Variants in PACRG observed in about 807,000 individuals in gnomAD.
PACRG encodes the protein parkin coregulated gene protein.
Under a neutral mutation model 29.7 loss-of-function variants are expected in PACRG, and 29 were observed. The observed-to-expected ratio is 0.98, with a 90% CI of 0.73 to 1.33. PACRG has a LOEUF of 1.33. Ranked by LOEUF, PACRG falls within the 40% of genes most tolerant of loss-of-function variation. The pLI is 0.00. For missense variants in PACRG, 279 were observed against 316.2 expected (o/e 0.88, Z 0.89); for synonymous variants, 116 against 118.7 (o/e 0.98, Z 0.15).
At chr6:163,051,035 A>T (rs1585094860) in intron 2 of PACRG, among the ~76,000 whole-genome samples, 1 of 151,918 alleles carries the variant, frequency 6.6e-6, no homozygotes, top group South Asian at 2.1e-4. Context: ...CCATTGCTTT[A>T]CCTCCCTGTG....
chr6:162,748,446 T>C (rs1442343218), intron 1 of PACRG, among the ~76,000 whole-genome samples: 1 of 152,058 alleles, frequency 6.6e-6, no homozygotes, highest in African/African-American at 2.4e-5. Flanking sequence ...GTGACTGAGA[T>C]CGGACCACTG....
chr6:162,860,118 C>A (rs1791741765), intron 2 of PACRG, among the ~76,000 whole-genome samples: 1 of 152,066 alleles, frequency 6.6e-6, no homozygotes, highest in Non-Finnish European at 1.5e-5. Context: ...AGTTTTTATA[C>A]AGATATTTTC....
intron 2 of PACRG, among the ~76,000 whole-genome samples, chr6:162,827,576 C>G (rs908509434): frequency 6.6e-6 from 1 of 152,080 alleles, no homozygotes; most frequent in South Asian, 2.1e-4. Flanking sequence ...TGCAGAAAAC[C>G]TTTTTGGTAA....
chr6:162,731,704 T>A (rs763598254), intron 1 of PACRG, among the ~76,000 whole-genome samples: 3 of 152,146 alleles, frequency 2.0e-5, no homozygotes, highest in Non-Finnish European at 4.4e-5. Context: ...TAAGGGATAG[T>A]TCAACCTATA....
rs140335831 is a variant in PACRG at position 162,986,927 on chromosome 6, A to ATT, written c.292-75216_292-75215dup. Among the ~76,000 whole-genome samples, 528 of 150,560 alleles carry ATT rather than the reference A, an allele frequency of 3.5e-3. 2 individuals carry two copies. Among genetic ancestry groups the ATT allele is most frequent in the African/African-American group, 0.012 (508 of 41,008 alleles). On this transcript the variant is annotated intron_variant, in intron 2 of 4. Transcript: ENST00000366888. ...GGATAATTTTTCATTCTTATCCTGT[A>ATT]TTTTTTTTCAATTTTTTAAAGTTGG...
intron 4 of PACRG, among the ~76,000 whole-genome samples, chr6:163,311,760 T>C (rs1785424927): frequency 7.0e-6 from 1 of 142,548 alleles, no homozygotes; most frequent in Non-Finnish European, 1.5e-5. Context: ...TTTGAGGTTA[T>C]ACACTGTGGA....
At chr6:163,094,927 C>T (rs1244518166) in intron 4 of PACRG, among the ~76,000 whole-genome samples, 2 of 152,188 alleles carry the variant, frequency 1.3e-5, no homozygotes, top group African/African-American at 4.8e-5. Context: ...CCTTCCCCCT[C>T]GGTATTCACT....
chr6:163,232,113 C>T (rs1782068145), intron 4 of PACRG, among the ~76,000 whole-genome samples: 1 of 152,246 alleles, frequency 6.6e-6, no homozygotes, highest in Non-Finnish European at 1.5e-5. Flanking sequence ...CAGCTCTCTA[C>T]AGAACACAAA....
chr6:163,082,822 T>C (rs1813205152), intron 3 of PACRG, among the ~76,000 whole-genome samples: 1 of 152,228 alleles, frequency 6.6e-6, no homozygotes, highest in African/African-American at 2.4e-5. Context: ...CTTAAACAAT[T>C]TGTTGTTCTT....
intron 1 of PACRG, among the ~76,000 whole-genome samples, chr6:162,742,808 CTA>C (rs1303047978): frequency 3.3e-5 from 5 of 151,886 alleles, no homozygotes; most frequent in Non-Finnish European, 7.4e-5. Flanking sequence ...GAGAGTGAAG[CTA>C]TCTCTTTGAA....
intron 2 of PACRG, among the ~76,000 whole-genome samples, chr6:162,985,953 A>C (rs1049130734): frequency 1.5e-5 from 2 of 135,312 alleles, no homozygotes; most frequent in African/African-American, 5.4e-5. Flanking sequence ...AACCCCTTTC[A>C]CAATAGCTGC....
chr6:163,120,633 C>A (rs1195548660), intron 4 of PACRG, among the ~76,000 whole-genome samples: 1 of 152,086 alleles, frequency 6.6e-6, no homozygotes, highest in African/African-American at 2.4e-5. Flanking sequence ...TCTGCGTCTA[C>A]TTTCTCCTCA....
rs566019985 is a variant in PACRG, at chr6:162,943,858, G to A, written c.292-118292G>A. On this transcript the variant is annotated intron_variant, in intron 2 of 4. Coordinates refer to ENST00000366888, the MANE Select transcript of PACRG (RefSeq NM_001080379.2). ...CTGGCCCACCCAGCTCATTGCAGCC[G>A]CCACAGACCCCAGCATGGACCACTT... Among the ~76,000 whole-genome samples the A allele has an allele frequency of 4.1e-4, 62 of 151,942 alleles. 1 individual carries two copies. The highest frequency in any genetic ancestry group is 3.5e-3 in the South Asian group (17 of 4,806).
chr6:163,062,550 C>G (rs1367336345), intron 3 of PACRG, among the ~76,000 whole-genome samples: 2 of 152,170 alleles, frequency 1.3e-5, no homozygotes, highest in African/African-American at 4.8e-5. Context: ...GGGGTTTGTG[C>G]TAATTTAAAA....
At chr6:163,166,797 TACTATA>T (rs1289982045) in intron 4 of PACRG, among the ~76,000 whole-genome samples, 1 of 152,222 alleles carries the variant, frequency 6.6e-6, no homozygotes, top group African/African-American at 2.4e-5. Flanking sequence ...GTCTACTTAT[TACTATA>T]TAGTGTCTGG....
At chr6:163,023,149 C>A (rs553416908) in intron 2 of PACRG, among the ~76,000 whole-genome samples, 1 of 152,246 alleles carries the variant, frequency 6.6e-6, no homozygotes, top group African/African-American at 2.4e-5. Flanking sequence ...TTGCATGATG[C>A]TGGGGCTGGG....
rs973684403 is a variant in PACRG, at chr6:162,896,431, C to T, written c.291+82150C>T. On this transcript the variant is annotated intron_variant, in intron 2 of 4. Coordinates refer to ENST00000366888, the MANE Select transcript of PACRG (RefSeq NM_001080379.2). ...TTATGTGAAGGTCCAGGGATAATTT[C>T]TCCGTAAGAACGCATCCCACGGTGC... Among the ~76,000 whole-genome samples, 15 of 152,306 alleles carry T rather than the reference C, an allele frequency of 9.8e-5. No homozygotes were observed. In the South Asian group the frequency reaches 3.1e-3, roughly 32 times the overall value.
At chr6:162,989,726 T>TA (rs1803255049) in intron 2 of PACRG, among the ~76,000 whole-genome samples, 1 of 151,434 alleles carries the variant, frequency 6.6e-6, no homozygotes, top group Admixed American at 6.6e-5. Flanking sequence ...TACTTCCTTT[T>TA]TTTTTTTTTC....
intron 1 of PACRG, among the ~76,000 whole-genome samples, chr6:162,808,147 A>G (rs1046846022): frequency 6.6e-6 from 1 of 152,200 alleles, no homozygotes; most frequent in Non-Finnish European, 1.5e-5. Flanking sequence ...TTGGCAAATG[A>G]GGCAGATACT....
Sources: allele counts gnomAD v4.1 joint callset (sites outside exome capture counted in the v4.1 genomes callset), GRCh38; gene constraint gnomAD v4.1.1; transcripts MANE v1.5; gene names NCBI Gene and HGNC (gene_info 2026-07-23, HGNC 2026-07-21).